ALDH3A2: variants seen among roughly 807,000 people sequenced by gnomAD.
ALDH3A2 encodes the protein aldehyde dehydrogenase family 3 member A2.
A neutral mutation model predicts 51.3 loss-of-function variants in ALDH3A2; 36 were observed. That is an observed-to-expected ratio of 0.70 (90% CI 0.54 to 0.93). ALDH3A2 has a LOEUF of 0.93. ALDH3A2 is among the 40% of genes least tolerant of loss of function. The pLI is 0.00. For synonymous variants in ALDH3A2, 199 were observed against 219.8 expected (o/e 0.91, Z 0.84); for missense variants, 552 against 603.1 (o/e 0.92, Z 0.89).
chr17:19,668,028 C>A (rs917403213), intron 8 of ALDH3A2, among the ~76,000 whole-genome samples: 2 of 152,158 alleles, frequency 1.3e-5, no homozygotes, highest in Admixed American at 6.6e-5. Context: ...AAAAGGGTCT[C>A]ATTTCAATTT....
intron 9 of ALDH3A2, chr17:19,673,399 T>G (rs1360995154): frequency 7.5e-6 from 9 of 1,207,722 alleles, no homozygotes; most frequent in Middle Eastern, 2.8e-4. Context: ...TTTTTTTTGC[T>G]ACAGTTGGAG....
chr17:19,659,061 T>G (rs1387122682), intron 5 of ALDH3A2, among the ~76,000 whole-genome samples: 1 of 151,620 alleles, frequency 6.6e-6, no homozygotes, highest in African/African-American at 2.4e-5. Flanking sequence ...GCAAAACCCA[T>G]CTCTACTAAA....
rs771983689 is a variant in ALDH3A2 at position 19,651,694 on chromosome 17, C to A, written c.301C>A (p.Pro101Thr). The A allele has an allele frequency of 1.9e-6, 3 of 1,614,192 alleles. No homozygotes were observed. In the South Asian group the frequency reaches 3.3e-5, roughly 18 times the overall value. The change falls in exon 2 of 10, where the codon CCT (proline) becomes ACT (threonine). Residue 101 changes from proline (P) to threonine (T), a missense_variant. Physicochemically the swap from Pro to Thr is conservative, Grantham distance 38. Transcript: ENST00000176643. ...GGATGAGGCCTATATTCAGCCACAG[C>A]CTCTGGGAGTGGTGCTGATAATCGG... ...MLDEAYIQPQ[P>T]LGVVLIIGAW...
At chr17:19,666,503 GCA>G (rs1567604974) in intron 8 of ALDH3A2, among the ~76,000 whole-genome samples, 8 of 152,150 alleles carry the variant, frequency 5.3e-5, no homozygotes, top group African/African-American at 1.9e-4. Flanking sequence ...AAGGCTGGGC[GCA>G]GTGGCTCATG....
rs757529940 is a variant in ALDH3A2, at chr17:19,657,784, C to G, written c.720C>G (p.Thr240=). 1 of 1,614,052 alleles carries G rather than the reference C, an allele frequency of 6.2e-7. No individual in the cohort carries two copies. The highest frequency in any genetic ancestry group is 8.5e-7 in the Non-Finnish European group (1 of 1,179,946). Residue 240 remains threonine (T), a synonymous_variant, in exon 5 of 10, where the codon ACC becomes ACG. Transcript: ENST00000176643. ...TWGKYMNCGQ[T]CIAPDYILCE... ...GAAAATACATGAATTGTGGCCAAAC[C>G]TGCATTGCACCCGACTATATTCTCT...
At chr17:19,649,304 T>G (rs1013258056) in intron 1 of ALDH3A2, 180 bp downstream of exon 1, 1 of 757,340 alleles carries the variant, frequency 1.3e-6, no homozygotes, top group South Asian at 1.9e-5. Flanking sequence ...CCTCTAGCAC[T>G]CAGAAGGGCA....
intron 8 of ALDH3A2, among the ~76,000 whole-genome samples, chr17:19,667,025 G>A (rs2085047871): frequency 6.6e-6 from 1 of 151,898 alleles, no homozygotes; most frequent in Admixed American, 6.6e-5. Flanking sequence ...GGCTTTTTAA[G>A]AAAACTTGGA....
At chr17:19,648,738 T>C (rs2084768386), upstream of ALDH3A2, 1 of 591,222 alleles carries the variant, frequency 1.7e-6, no homozygotes, top group South Asian at 2.0e-5. Flanking sequence ...GGGTGAGGCT[T>C]TGGGTCGAGC....
chr17:19,676,492 A>T lies in ALDH3A2; in HGVS notation c.*920A>T, dbSNP rs952349332. On this transcript the variant is annotated 3_prime_UTR_variant, in exon 10 of 10. Coordinates refer to ENST00000176643, the MANE Select transcript of ALDH3A2 (RefSeq NM_000382.3). Reference sequence around the variant, plus strand: ...AACACAGTGAGACCTCATCTCTATCAAAAAATAAAAATTAGCTAGATGTGG... The same window carrying T: ...AACACAGTGAGACCTCATCTCTATCTAAAAATAAAAATTAGCTAGATGTGG... The T allele has an allele frequency of 2.0e-5, 3 of 152,292 alleles. No homozygotes were observed. The highest frequency in any genetic ancestry group is 4.8e-5 in the African/African-American group (2 of 41,536). 9.4% of individuals were successfully genotyped at this position (152,292 alleles called of 1,614,324 possible).
chr17:19,674,278 T>C (rs1567608605), intron 9 of ALDH3A2: 1 of 151,772 alleles, frequency 6.6e-6, no homozygotes. Flanking sequence ...TGATAATGCA[T>C]CTTGGTAGGA....
chr17:19,663,586 T>C (rs554422521), intron 7 of ALDH3A2, 87 bp downstream of exon 7: 2 of 1,443,220 alleles, frequency 1.4e-6, no homozygotes, highest in Non-Finnish European at 1.9e-6. Context: ...CAAAAAACAA[T>C]GTGAAACAAT....
intron 4 of ALDH3A2, among the ~76,000 whole-genome samples, chr17:19,657,273 A>C (rs2084909456): frequency 6.6e-6 from 1 of 152,248 alleles, no homozygotes; most frequent in Non-Finnish European, 1.5e-5. Context: ...GGTCTTCCCA[A>C]GTGGGGCAGG....
chr17:19,650,728 T>C (rs1363957154), intron 1 of ALDH3A2, among the ~76,000 whole-genome samples: 2 of 152,088 alleles, frequency 1.3e-5, no homozygotes, highest in Non-Finnish European at 2.9e-5. Context: ...GCTGGGATTA[T>C]AGACGTGAGC....
upstream of ALDH3A2, chr17:19,648,715 C>T (rs1428318925): frequency 5.4e-6 from 3 of 556,420 alleles, no homozygotes; most frequent in African/African-American, 1.9e-5. Flanking sequence ...ACGTGGGCCG[C>T]CCAGGCCAAT....
chr17:19,677,103 A>G lies in ALDH3A2; in HGVS notation c.*1531A>G, dbSNP rs978217799. 6.6e-6 allele frequency: 1 copy of G among 152,288 alleles called. No individual in the cohort carries two copies. Among genetic ancestry groups the G allele is most frequent in the Non-Finnish European group, 1.5e-5 (1 of 68,098 alleles). 9.4% of individuals were successfully genotyped at this position (152,288 alleles called of 1,614,324 possible). A position where few individuals can be genotyped will look rare whatever the true frequency, so the allele number is the denominator to read the frequency against. On this transcript the variant is annotated 3_prime_UTR_variant, in exon 10 of 10. Coordinates refer to ENST00000176643, the MANE Select transcript of ALDH3A2 (RefSeq NM_000382.3). ...GAAGAAGAGGCCTGTGGAATGCAGC[A>G]TTACCTGCTGGACAGAGCAGGGCAG... is the stretch of plus-strand genomic sequence containing the variant.
rs1406212493 is a variant in ALDH3A2, at chr17:19,675,860, C to T, written c.*288C>T. The T allele has an allele frequency of 1.8e-5, 8 of 451,430 alleles. No homozygotes were observed. The highest frequency in any genetic ancestry group is 9.2e-5 in the East Asian group (2 of 21,708). 28.0% of individuals were successfully genotyped at this position (451,430 alleles called of 1,614,324 possible). A position where few individuals can be genotyped will look rare whatever the true frequency, so the allele number is the denominator to read the frequency against. ...AATGTATTAGACTAAATACAAACTG[C>T]GGGGTTGTAAGGGAGTCTCAGAACC... On this transcript the variant is annotated 3_prime_UTR_variant, in exon 10 of 10. Coordinates refer to ENST00000176643, the MANE Select transcript of ALDH3A2 (RefSeq NM_000382.3).
In ALDH3A2 at chr17:19,661,141, A is replaced by T; in HGVS notation, c.813A>T (p.Glu271Asp). The part of the protein sequence containing the change: ...IKETVKEFYG[E>D]NIKESPDYER... Reference sequence around the variant, plus strand: ...GTTTTAAATAGGAATTTTATGGAGAAAATATAAAAGAGTCTCCTGATTATG... The same window carrying T: ...GTTTTAAATAGGAATTTTATGGAGATAATATAAAAGAGTCTCCTGATTATG... The change falls in exon 6 of 10, where the codon GAA (glutamate) becomes GAT (aspartate). Residue 271 changes from glutamate (E) to aspartate (D), a missense_variant. Transcript: ENST00000176643. 6.2e-7 allele frequency: 1 copy of T among 1,611,100 alleles called. No individual in the cohort carries two copies. The highest frequency in any genetic ancestry group is 1.7e-4 in the Middle Eastern group (1 of 6,054).
At chr17:19,653,666 G>T (rs2084850779) in intron 3 of ALDH3A2, among the ~76,000 whole-genome samples, 1 of 152,190 alleles carries the variant, frequency 6.6e-6, no homozygotes, top group African/African-American at 2.4e-5. Flanking sequence ...CCTTCGCAGT[G>T]AGTGTTACAG....
Position 19,648,918 on chromosome 17 carries a change from C to T in ALDH3A2, c.-54C>T. 1 of 1,539,440 alleles carries T rather than the reference C, an allele frequency of 6.5e-7. No individual in the cohort carries two copies. Among genetic ancestry groups the T allele is most frequent in the East Asian group, 2.4e-5 (1 of 41,576 alleles). On this transcript the variant is annotated 5_prime_UTR_variant, in exon 1 of 10. Coordinates refer to ENST00000176643, the MANE Select transcript of ALDH3A2 (RefSeq NM_000382.3). ...GCGAGGCCTGCACCTGCATGCTTCC[C>T]GCCTCCCACTCCCCAGCGCCCCCGG...
Sources: allele counts gnomAD v4.1 joint callset (sites outside exome capture counted in the v4.1 genomes callset), GRCh38; gene constraint gnomAD v4.1.1; transcripts MANE v1.5; gene names NCBI Gene and HGNC (gene_info 2026-07-23, HGNC 2026-07-21).